Variants in ZC3H18 observed in about 807,000 individuals in gnomAD.
The protein encoded by ZC3H18 is zinc finger CCCH domain-containing protein 18.
In ZC3H18, 8 loss-of-function variants were observed where a neutral mutation model predicts 106.1. The observed-to-expected ratio is 0.08, with a 90% CI of 0.04 to 0.14. The LOEUF (loss-of-function observed/expected upper bound fraction) is 0.14, where lower values mean the gene tolerates loss of function less well. Among genes scored for constraint, ZC3H18 ranks in the 10% least tolerant of loss-of-function variants. ZC3H18 has a pLI of 1.00. For missense variants in ZC3H18, 1,318 were observed against 1,278.4 expected, an observed-to-expected ratio of 1.03 and a Z score of -0.47; for synonymous variants, 635 against 522.1, an observed-to-expected ratio of 1.22 and a Z score of -2.95.
At chr16:88,609,887 C>T (rs761515762) in intron 7 of ZC3H18, among the ~76,000 whole-genome samples, 2 of 152,182 alleles carry the variant, frequency 1.3e-5, no homozygotes, top group Non-Finnish European at 2.9e-5. Flanking sequence ...AGGCATAAGT[C>T]ACTGTGCCCA....
At chr16:88,570,766 G>A (rs1914345816) in intron 1 of ZC3H18, among the ~76,000 whole-genome samples, 200 bp downstream of exon 1, 2 of 151,552 alleles carry the variant, frequency 1.3e-5, no homozygotes, top group Admixed American at 6.6e-5. Flanking sequence ...AGTTCCGTCC[G>A]TAAGCCGGCC....
intron 2 of ZC3H18, among the ~76,000 whole-genome samples, chr16:88,585,043 T>C (rs1915355600): frequency 6.6e-6 from 1 of 152,264 alleles, no homozygotes; most frequent in African/African-American, 2.4e-5. Context: ...TGGTGCTCAT[T>C]ACTGTAAGAA....
intron 5 of ZC3H18, 28 bp downstream of exon 5, chr16:88,598,740 C>G (rs969160173): frequency 1.3e-6 from 2 of 1,586,172 alleles, no homozygotes; most frequent in African/African-American, 1.3e-5. Flanking sequence ...GAAATCCCGA[C>G]AAGAAAGATG....
At chr16:88,620,797 G>C (rs1329397808) in intron 8 of ZC3H18, among the ~76,000 whole-genome samples, 1 of 152,020 alleles carries the variant, frequency 6.6e-6, no homozygotes, top group Non-Finnish European at 1.5e-5. Flanking sequence ...TTGCTCAGGA[G>C]TTTACCCTTT....
chr16:88,603,979 C>T (rs1904884454), intron 6 of ZC3H18, among the ~76,000 whole-genome samples: 1 of 152,000 alleles, frequency 6.6e-6, no homozygotes, highest in Non-Finnish European at 1.5e-5. Flanking sequence ...TAGACAGACG[C>T]ACTCTGATTC....
At chr16:88,572,377 C>T (rs898615149) in intron 1 of ZC3H18, among the ~76,000 whole-genome samples, 1 of 152,048 alleles carries the variant, frequency 6.6e-6, no homozygotes, top group African/African-American at 2.4e-5. Context: ...GATCTCGGCT[C>T]ACCGCAACCT....
chr16:88,570,724 G>T (rs544219524), intron 1 of ZC3H18, among the ~76,000 whole-genome samples, 158 bp downstream of exon 1: 3 of 151,626 alleles, frequency 2.0e-5, no homozygotes, highest in African/African-American at 4.8e-5. Flanking sequence ...CTCGGGCCCA[G>T]GGAAGGGGAC....
chr16:88,621,732 C>T (rs909474499), intron 8 of ZC3H18, among the ~76,000 whole-genome samples: 1 of 151,960 alleles, frequency 6.6e-6, no homozygotes, highest in African/African-American at 2.4e-5. Flanking sequence ...CTCAAGTAAT[C>T]CACCCGCCTC....
rs149189615 is a variant in ZC3H18, at chr16:88,631,568, C to T, written c.*269C>T. Reference sequence around the variant, plus strand: ...TCTCATGTAAATTACAAGCCCCAGCCGCCAGCCCCGCCTTCTCTTCCTCCT... The same window carrying T: ...TCTCATGTAAATTACAAGCCCCAGCTGCCAGCCCCGCCTTCTCTTCCTCCT... On this transcript the variant is annotated 3_prime_UTR_variant, in exon 18 of 18. Coordinates refer to ENST00000301011, the MANE Select transcript of ZC3H18 (RefSeq NM_144604.4). 1,212 of 548,406 alleles carry T rather than the reference C, an allele frequency of 2.2e-3. 19 individuals are homozygous for T. The Middle Eastern group carries it at 0.052, about 24-fold the overall frequency. The allele number at this position is 548,406 out of a possible 1,614,324, so 34.0% of individuals were successfully genotyped here. A position where few individuals can be genotyped will look rare whatever the true frequency, so the allele number is the denominator to read the frequency against.
rs749633428 is a variant in ZC3H18 at position 88,611,271 on chromosome 16, AGGGAGC to A, written c.1218_1223del (p.Arg410_Glu411del). The A allele has an allele frequency of 8.0e-6, 6 of 754,530 alleles. No individual in the cohort carries two copies. The highest frequency in any genetic ancestry group is 2.3e-4 in the Middle Eastern group (1 of 4,306). The allele number at this position is 754,530 out of a possible 1,614,324, so 46.7% of individuals were successfully genotyped here. A position where few individuals can be genotyped will look rare whatever the true frequency, so the allele number is the denominator to read the frequency against. The stretch of plus-strand genomic sequence containing the variant: ...TGTGTTTGGCTTTTTAACAAAGGAA[AGGGAGC>A]GGGAGCGAGAGAGAGAGAACAGACA... On this transcript the variant is annotated inframe_deletion, in exon 8 of 18. Transcript: ENST00000301011.
In ZC3H18 at chr16:88,631,113, G is replaced by C; in HGVS notation, c.2676G>C (p.Leu892=). 2 of 1,612,270 alleles carry C rather than the reference G, an allele frequency of 1.2e-6. No homozygotes were observed. The highest frequency in any genetic ancestry group is 8.5e-7 in the Non-Finnish European group (1 of 1,180,018). The change falls in exon 18 of 18, where the codon CTG becomes CTC. Residue 892 remains leucine, a synonymous_variant. Coordinates refer to ENST00000301011, the MANE Select transcript of ZC3H18 (RefSeq NM_144604.4). ...PAAPADRKRQ[L]SPQSKSSSKV... The stretch of plus-strand genomic sequence containing the variant: ...CACCCCCTTGTAGGAAGCGCCAGCT[G>C]TCACCCCAGTCCAAGAGCTCCAGCA...
chr16:88,611,508 C>T lies in ZC3H18; in HGVS notation c.1447C>T (p.Pro483Ser), dbSNP rs1410439569. The T allele has an allele frequency of 6.4e-7, 1 of 1,550,424 alleles. No individual in the cohort carries two copies. Among genetic ancestry groups the T allele is most frequent in the Non-Finnish European group, 8.7e-7 (1 of 1,146,712 alleles). ...GGAGCGGGAGAAGGAGAAGGGGAAG[C>T]CCAAGCCCCGCTCCCCGCAGCCGCC... ...EKEREKEKGK[P>S]KPRSPQPPSR... Residue 483 changes from proline (P) to serine (S), a missense_variant, in exon 8 of 18, where the codon CCC (proline) becomes TCC (serine). Around this residue, in one of 6 missense-constraint regions of ZC3H18, gnomAD observed 848 missense variants for 821.7 expected, o/e 1.03. Transcript: ENST00000301011.
chr16:88,609,367 G>C (rs1178648871), intron 7 of ZC3H18: 2 of 185,734 alleles, frequency 1.1e-5, no homozygotes, highest in African/African-American at 4.8e-5. Flanking sequence ...GTGCAATCTC[G>C]GCTCACTGCA....
chr16:88,629,391 G>A (rs976191735), intron 16 of ZC3H18, among the ~76,000 whole-genome samples: 2 of 152,216 alleles, frequency 1.3e-5, no homozygotes, highest in African/African-American at 4.8e-5. Flanking sequence ...CAGGAGAATC[G>A]CTTGAACCTG....
At chr16:88,621,601 C>A (rs1424654619) in intron 8 of ZC3H18, among the ~76,000 whole-genome samples, 2 of 152,048 alleles carry the variant, frequency 1.3e-5, no homozygotes, top group African/African-American at 4.8e-5. Flanking sequence ...CATGATCCGC[C>A]CACCTCAGCC....
intron 6 of ZC3H18, 134 bp downstream of exon 6, chr16:88,600,082 T>G: frequency 2.6e-6 from 3 of 1,151,878 alleles, no homozygotes; most frequent in Non-Finnish European, 3.7e-6. Context: ...TCAGTGACGT[T>G]CCTGAGAGCA....
chr16:88,580,793 G>C (rs1413067243), intron 2 of ZC3H18, among the ~76,000 whole-genome samples: 1 of 152,186 alleles, frequency 6.6e-6, no homozygotes, highest in East Asian at 1.9e-4. Flanking sequence ...TCAGTCCCTG[G>C]AAAGCAGCCT....
intron 3 of ZC3H18, among the ~76,000 whole-genome samples, chr16:88,593,875 T>C (rs1197554587): frequency 5.3e-5 from 8 of 152,324 alleles, no homozygotes; most frequent in African/African-American, 1.9e-4. Context: ...CAGGTGACCA[T>C]TGCAGGATGT....
At chr16:88,585,763 G>A (rs1857039557) in intron 2 of ZC3H18, among the ~76,000 whole-genome samples, 1 of 152,124 alleles carries the variant, frequency 6.6e-6, no homozygotes, top group South Asian at 2.1e-4. Flanking sequence ...GGTGTGATGG[G>A]CAGTGGTGCA....
Sources: gnomAD v4.1 joint callset for allele counts (sites outside exome capture counted in the v4.1 genomes callset) on GRCh38, gnomAD v4.1.1 for gene constraint, gnomAD v4.1.1 regional missense constraint, MANE v1.5 for transcripts, NCBI Gene and HGNC (gene_info 2026-07-23, HGNC 2026-07-21) for gene names.